SLC44A1: variants seen among roughly 807,000 people sequenced by gnomAD.
SLC44A1 encodes choline transporter-like protein 1.
A neutral mutation model predicts 79.3 loss-of-function variants in SLC44A1; 26 were observed. The ratio of observed to expected loss-of-function variants is 0.33; its 90% confidence interval spans 0.24 to 0.46. The LOEUF is 0.46. SLC44A1 is among the 20% of genes least tolerant of loss of function. SLC44A1 has a pLI of 1.00. For missense variants in SLC44A1, 688 were observed against 798.1 expected, an observed-to-expected ratio of 0.86 and a Z score of 1.66; for synonymous variants, 263 against 286.2, an observed-to-expected ratio of 0.92 and a Z score of 0.82.
chr9:105,304,960 T>TTTTTTTTG (rs1830984490), intron 2 of SLC44A1, among the ~76,000 whole-genome samples: 1 of 101,458 alleles, frequency 9.9e-6, no homozygotes. Context: ...TTTTTTTTTT[T>TTTTTTTTG]TTTTTTTTTT....
chr9:105,416,740 T>C (rs1588876887), intron 15 of SLC44A1, among the ~76,000 whole-genome samples: 1 of 152,222 alleles, frequency 6.6e-6, no homozygotes, highest in East Asian at 1.9e-4. Flanking sequence ...CTCACCCACC[T>C]GCCAAGAAGG....
Position 105,438,379 on chromosome 9 carries a change from G to A in SLC44A1, c.*84G>A, listed in dbSNP as rs371040323. 1.8e-4 allele frequency: 191 copies of A among 1,084,966 alleles called. 3 individuals are homozygous for A. In the East Asian group the frequency reaches 2.0e-3, roughly 11 times the overall value. 67.2% of individuals were successfully genotyped at this position (1,084,966 alleles called of 1,614,324 possible). On this transcript the variant is annotated 3_prime_UTR_variant, in exon 16 of 16. Coordinates refer to the SLC44A1 transcript ENST00000374724. ...CACTCACCAGCTGTTGAGAGTCTGC[G>A]ATTATGAAGAGCAGGATCTTATTAC...
chr9:105,417,839 CAAAAAAA>C (rs146589405), intron 15 of SLC44A1, among the ~76,000 whole-genome samples: 8 of 57,910 alleles, frequency 1.4e-4, no homozygotes, highest in East Asian at 1.6e-3. Flanking sequence ...CTCATCCCTA[CAAAAAAA>C]AAAAAAAAAA....
chr9:105,374,560 C>A, intron 12 of SLC44A1, 38 bp from the exon 13 acceptor site: 2 of 1,590,094 alleles, frequency 1.3e-6, no homozygotes, highest in Non-Finnish European at 1.7e-6. Flanking sequence ...AAGGAAGTTT[C>A]AATTGTTGAC....
At chr9:105,386,053 T>A (rs1828618213) in intron 15 of SLC44A1, 1 of 985,246 alleles carries the variant, frequency 1.0e-6, no homozygotes, top group East Asian at 1.1e-4. Context: ...CAAACAAGGC[T>A]GTTTTCATCA....
chr9:105,349,124 A>G (rs1827327553), intron 5 of SLC44A1, among the ~76,000 whole-genome samples: 1 of 152,178 alleles, frequency 6.6e-6, no homozygotes. Context: ...AAGCATTGTA[A>G]AATATATGCT....
chr9:105,326,340 G>C (rs1247149735), intron 3 of SLC44A1, among the ~76,000 whole-genome samples: 1 of 152,110 alleles, frequency 6.6e-6, no homozygotes, highest in Non-Finnish European at 1.5e-5. Flanking sequence ...CAAAGTACTG[G>C]GATTACAGAC....
chr9:105,251,707 A>T (rs1190037602), intron 1 of SLC44A1, among the ~76,000 whole-genome samples: 1 of 152,108 alleles, frequency 6.6e-6, no homozygotes, highest in Non-Finnish European at 1.5e-5. Context: ...GGGCTTTTGC[A>T]TATGTGGTTC....
rs973003652 is a variant in SLC44A1, at chr9:105,427,749, T to G, written c.1951-10532T>G. 1.2e-4 allele frequency among the ~76,000 whole-genome samples: 19 copies of G among 152,346 alleles called. 1 individual carries two copies. Among genetic ancestry groups the G allele is most frequent in the African/African-American group, 4.6e-4 (19 of 41,588 alleles). ...GGCACTCTATGAATGTTGATACATA[T>G]TGCCAAATTGCTCTCCAGAAAGGCT... is the stretch of plus-strand genomic sequence containing the variant. On this transcript the variant is annotated intron_variant, in intron 15 of 15. Transcript: ENST00000374724.
intron 1 of SLC44A1, among the ~76,000 whole-genome samples, chr9:105,260,314 G>A (rs1382267552): frequency 1.3e-5 from 2 of 152,084 alleles, no homozygotes; most frequent in East Asian, 3.9e-4. Context: ...GCCTTTATTG[G>A]ACTTATCTGT....
intron 13 of SLC44A1, among the ~76,000 whole-genome samples, chr9:105,379,635 A>G (rs961219636): frequency 6.6e-6 from 1 of 152,228 alleles, no homozygotes; most frequent in African/African-American, 2.4e-5. Flanking sequence ...ATGGTACTCT[A>G]ATAGTTTTTA....
At position 105,393,170 on chromosome 9, in the gene SLC44A1, A is replaced by G. The variant is rs747976984; in HGVS notation, c.*4114A>G. 6 of 985,348 alleles carry G rather than the reference A, an allele frequency of 6.1e-6. No homozygotes were observed. The highest frequency in any genetic ancestry group is 4.7e-5 in the South Asian group (1 of 21,296). 61.0% of individuals were successfully genotyped at this position (985,348 alleles called of 1,614,324 possible). Reference sequence around the variant, plus strand: ...AAAAGCGTAACGCAGATATTTGTGTATTCTGTATTCACAGCGTAGGCTGCC... The same window carrying G: ...AAAAGCGTAACGCAGATATTTGTGTGTTCTGTATTCACAGCGTAGGCTGCC... On this transcript the variant is annotated 3_prime_UTR_variant, in exon 16 of 16. Coordinates refer to ENST00000374720, the MANE Select transcript of SLC44A1 (RefSeq NM_080546.5).
chr9:105,406,115 G>A (rs189218541), intron 15 of SLC44A1, among the ~76,000 whole-genome samples: 26 of 152,238 alleles, frequency 1.7e-4, no homozygotes, highest in African/African-American at 6.0e-4. Flanking sequence ...TGCAAAGACT[G>A]GAAGGTGATC....
chr9:105,336,567 G>C (rs1200145627), intron 4 of SLC44A1, among the ~76,000 whole-genome samples: 1 of 152,052 alleles, frequency 6.6e-6, no homozygotes, highest in Non-Finnish European at 1.5e-5. Flanking sequence ...TTGTGTGTAG[G>C]AATCCTCAGA....
At chr9:105,433,352 C>T (rs1186140250) in intron 15 of SLC44A1, among the ~76,000 whole-genome samples, 1 of 151,864 alleles carries the variant, frequency 6.6e-6, no homozygotes, top group Non-Finnish European at 1.5e-5. Flanking sequence ...AAAAGGCATC[C>T]CAAATGGATG....
chr9:105,317,902 A>G (rs1486277772), intron 3 of SLC44A1, among the ~76,000 whole-genome samples: 2 of 152,180 alleles, frequency 1.3e-5, no homozygotes, highest in Non-Finnish European at 2.9e-5. Context: ...ACTTAGGGAT[A>G]CGTTTAAACA....
At chr9:105,359,954 G>T (rs940338655) in intron 7 of SLC44A1, among the ~76,000 whole-genome samples, 1 of 152,158 alleles carries the variant, frequency 6.6e-6, no homozygotes, top group African/African-American at 2.4e-5. Context: ...CTTTGCTTCA[G>T]TTTTTTATAT....
chr9:105,409,461 G>A (rs1829069246), intron 15 of SLC44A1, among the ~76,000 whole-genome samples: 1 of 152,156 alleles, frequency 6.6e-6, no homozygotes, highest in Admixed American at 6.5e-5. Context: ...AAAATGGGAG[G>A]GTCACTTGAG....
chr9:105,270,941 T>C (rs1490596791), intron 1 of SLC44A1, among the ~76,000 whole-genome samples: 1 of 152,250 alleles, frequency 6.6e-6, no homozygotes, highest in East Asian at 1.9e-4. Context: ...AACAAAGGCA[T>C]TCTTCCAGAC....
Sources: allele counts gnomAD v4.1 joint callset (sites outside exome capture counted in the v4.1 genomes callset), GRCh38; gene constraint gnomAD v4.1.1; transcripts MANE v1.5; gene names NCBI Gene and HGNC (gene_info 2026-07-23, HGNC 2026-07-21).